Variants in SSBP3 observed in about 807,000 individuals in gnomAD.
The protein encoded by SSBP3 is single-stranded DNA-binding protein 3.
Under a neutral mutation model 69.6 loss-of-function variants are expected in SSBP3, and 5 were observed. The ratio of observed to expected loss-of-function variants is 0.07; its 90% confidence interval spans 0.04 to 0.15. The LOEUF is 0.15. Ranked by LOEUF, SSBP3 falls within the 10% of genes least tolerant of loss-of-function variation. The pLI is 1.00. For synonymous variants in SSBP3, 196 were observed against 193.4 expected, an observed-to-expected ratio of 1.01 and a Z score of -0.11; for missense variants, 312 against 534.0, an observed-to-expected ratio of 0.58 and a Z score of 4.10.
At position 54,350,582 on chromosome 1, in the gene SSBP3, TGAG is replaced by T. The variant is rs529331524; in HGVS notation, c.276+51276_276+51278del. ...GACATGTGCACAACCCGGGTTTGGCTGAGGAGCTCAGCAGCAAGTAATTTTCTA... is the reference window on the plus strand; with the variant it reads ...GACATGTGCACAACCCGGGTTTGGCTGAGCTCAGCAGCAAGTAATTTTCTA... On this transcript the variant is annotated intron_variant, in intron 4 of 17. Coordinates refer to ENST00000610401, the Ensembl canonical transcript of SSBP3. Among the ~76,000 whole-genome samples the T allele has an allele frequency of 2.4e-3, 364 of 152,308 alleles. 1 individual carries two copies. The highest frequency in any genetic ancestry group is 2.6e-3 in the Non-Finnish European group (175 of 68,022).
intron 4 of SSBP3, among the ~76,000 whole-genome samples, chr1:54,394,512 G>A (rs1171565633): frequency 1.3e-5 from 2 of 151,936 alleles, no homozygotes; most frequent in Non-Finnish European, 2.9e-5. Context: ...AGCATAGTAG[G>A]AGCTTGGTAA....
intron 4 of SSBP3, among the ~76,000 whole-genome samples, chr1:54,320,768 G>C (rs1407018509): frequency 6.6e-6 from 1 of 152,178 alleles, no homozygotes; most frequent in Non-Finnish European, 1.5e-5. Flanking sequence ...AAGAGAAGGA[G>C]AGCAGATAAG....
At chr1:54,244,963 T>C (rs1644707699) in intron 9 of SSBP3, among the ~76,000 whole-genome samples, 1 of 152,180 alleles carries the variant, frequency 6.6e-6, no homozygotes, top group Admixed American at 6.5e-5. Flanking sequence ...AAGTGCCCTT[T>C]GAAGGTGGGG....
At chr1:54,373,971 C>G (rs924719476) in intron 4 of SSBP3, among the ~76,000 whole-genome samples, 2 of 152,086 alleles carry the variant, frequency 1.3e-5, no homozygotes, top group African/African-American at 4.8e-5. Context: ...ATCCCGTTAT[C>G]CCCACTAGAC....
At chr1:54,389,357 A>T (rs901143033) in intron 4 of SSBP3, among the ~76,000 whole-genome samples, 1 of 152,176 alleles carries the variant, frequency 6.6e-6, no homozygotes, top group Non-Finnish European at 1.5e-5. Flanking sequence ...TAGGTCCCAA[A>T]GCCAAGATGT....
At chr1:54,288,789 T>C (rs904630622) in intron 4 of SSBP3, among the ~76,000 whole-genome samples, 2 of 151,768 alleles carry the variant, frequency 1.3e-5, no homozygotes, top group Non-Finnish European at 2.9e-5. Flanking sequence ...GAGGCCAAGG[T>C]GGGCGGATCA....
intron 3 of SSBP3, 21 bp downstream of exon 3, chr1:54,404,555 A>G (rs775418515): frequency 1.2e-6 from 2 of 1,612,684 alleles, no homozygotes; most frequent in South Asian, 1.1e-5. Context: ...ACACACATGC[A>G]AAACTATCAC....
intron 5 of SSBP3, among the ~76,000 whole-genome samples, chr1:54,279,667 T>C (rs2100868380): frequency 6.6e-6 from 1 of 152,210 alleles, no homozygotes; most frequent in South Asian, 2.1e-4. Flanking sequence ...CATGTGAGCC[T>C]AGAAAGAATT....
intron 4 of SSBP3, among the ~76,000 whole-genome samples, chr1:54,325,881 A>G (rs1235639496): frequency 3.3e-5 from 5 of 152,144 alleles, no homozygotes; most frequent in African/African-American, 1.2e-4. Context: ...CACAGTGGCA[A>G]AGATAATCAA....
intron 4 of SSBP3, among the ~76,000 whole-genome samples, chr1:54,314,367 C>T (rs1027099037): frequency 3.9e-5 from 6 of 152,190 alleles, no homozygotes; most frequent in Non-Finnish European, 5.9e-5. Context: ...GGGCGAAGGA[C>T]TCCTCCACTT....
rs182796162 is a variant in SSBP3, at chr1:54,334,350, T to C, written c.277-52823A>G. ...CTGGGCAACAGAGCAAGACTCCCTC[T>C]CAATAAATAAATAAATAAATAAATT... On this transcript the variant is annotated intron_variant, in intron 4 of 17. Transcript: ENST00000610401. 1.5e-3 allele frequency among the ~76,000 whole-genome samples: 209 copies of C among 142,248 alleles called. 2 individuals carry two copies. The highest frequency in any genetic ancestry group is 2.3e-3 in the Non-Finnish European group (158 of 67,336). 93.3% of individuals were successfully genotyped at this position (142,248 alleles called of 152,430 possible).
intron 4 of SSBP3, among the ~76,000 whole-genome samples, chr1:54,362,787 C>T (rs567901855): frequency 5.7e-4 from 87 of 152,322 alleles, no homozygotes; most frequent in Non-Finnish European, 1.0e-3. Context: ...CTGAGCCACA[C>T]GCTAGACTGC....
intron 3 of SSBP3, among the ~76,000 whole-genome samples, chr1:54,403,823 T>G (rs1485050628): frequency 1.3e-5 from 2 of 152,146 alleles, no homozygotes; most frequent in Non-Finnish European, 2.9e-5. Flanking sequence ...GGCAACTGGC[T>G]CCGGCTGACC....
intron 4 of SSBP3, among the ~76,000 whole-genome samples, chr1:54,311,437 C>T (rs530495261): frequency 2.2e-4 from 34 of 152,332 alleles, no homozygotes; most frequent in Middle Eastern, 3.4e-3. Flanking sequence ...AAGACAATCA[C>T]CCTGCCTGCC....
intron 4 of SSBP3, among the ~76,000 whole-genome samples, chr1:54,396,765 A>T (rs1351105067): frequency 6.6e-6 from 1 of 152,122 alleles, no homozygotes; most frequent in Non-Finnish European, 1.5e-5. Context: ...AGTTCAAATG[A>T]AGTGACCACT....
chr1:54,258,052 C>T lies in SSBP3; in HGVS notation c.447+17G>A, dbSNP rs773718340. 8 of 1,573,914 alleles carry T rather than the reference C, an allele frequency of 5.1e-6. No individual in the cohort carries two copies. Among genetic ancestry groups the T allele is most frequent in the South Asian group, 2.3e-5 (2 of 85,502 alleles). ...GCCCCGCGTCCCCGGCGGGCGGGAG[C>T]GCCACGGTGCGTTTACCTGACTGTG... On this transcript the variant is annotated intron_variant, in intron 6 of 17. Coordinates refer to ENST00000610401, the Ensembl canonical transcript of SSBP3. The surrounding 1 kb of genome is among the most constrained non-coding windows in gnomAD (Gnocchi z 4.5).
intron 4 of SSBP3, among the ~76,000 whole-genome samples, chr1:54,341,662 T>C (rs1646608672): frequency 6.6e-6 from 1 of 151,896 alleles, no homozygotes; most frequent in African/African-American, 2.4e-5. Context: ...AATTCCTTTA[T>C]TATGGTTGTG....
At chr1:54,281,510 C>T (rs1398952289) in exon 5 of SSBP3, 12 of 1,564,480 alleles carry the variant, frequency 7.7e-6, no homozygotes, top group African/African-American at 2.7e-5. Flanking sequence ...GCACGGGGCT[C>T]GGGGCAGCTG....
rs369060980 is a variant in SSBP3, at chr1:54,279,418, C to G, written c.366+2020G>C. Among the ~76,000 whole-genome samples, 15 of 152,372 alleles carry G rather than the reference C, an allele frequency of 9.8e-5. No homozygotes were observed. The East Asian group carries it at 2.3e-3, about 23-fold the overall frequency. On this transcript the variant is annotated intron_variant, in intron 5 of 17. Coordinates refer to ENST00000610401, the Ensembl canonical transcript of SSBP3. ...AAAGCAGGAAGTTGGGAGCTGCCCA[C>G]AGATCAGGCAGACCTGAGCCTTGTC...
Sources: gnomAD v4.1 joint callset for allele counts (sites outside exome capture counted in the v4.1 genomes callset) on GRCh38, gnomAD v4.1.1 for gene constraint, Gnocchi (gnomAD v3.1) non-coding constraint, MANE v1.5 for transcripts, NCBI Gene and HGNC (gene_info 2026-07-23, HGNC 2026-07-21) for gene names.